The following PHF2 variants were observed in gnomAD, a reference collection of about 807,000 sequenced individuals.
PHF2 encodes the protein PHD finger protein 2.
PHF2 carries 27 observed loss-of-function variants against 120.5 expected under a neutral mutation model. That is an observed-to-expected ratio of 0.22 (90% CI 0.17 to 0.31). The LOEUF (loss-of-function observed/expected upper bound fraction) is 0.31. Ranked by LOEUF, PHF2 falls within the 10% of genes least tolerant of loss-of-function variation. The pLI is 1.00. For missense variants in PHF2, 1,024 were observed against 1,434.8 expected, an observed-to-expected ratio of 0.71 and a Z score of 4.63; for synonymous variants, 568 against 592.5, an observed-to-expected ratio of 0.96 and a Z score of 0.60.
In PHF2 at chr9:93,656,613, G is replaced by A. The variant is rs1826464605; in HGVS notation, c.1147+18G>A. On this transcript the variant is annotated intron_variant, in intron 9 of 21. Coordinates refer to ENST00000359246, the MANE Select transcript of PHF2 (RefSeq NM_005392.4). The surrounding 1 kb of genome is among the most constrained non-coding windows in gnomAD (Gnocchi z 4.1). ...ATTCAAAGGTACTGGTCACTCCGGG[G>A]TGGGCGTCCAAGCCTGGGGCTCTTG... 1 of 1,574,800 alleles carries A rather than the reference G, an allele frequency of 6.4e-7. No individual in the cohort carries two copies. The highest frequency in any genetic ancestry group is 1.1e-5 in the South Asian group (1 of 90,324).
At chr9:93,654,171 G>C (rs1826417447) in intron 6 of PHF2, among the ~76,000 whole-genome samples, 1 of 152,228 alleles carries the variant, frequency 6.6e-6, no homozygotes, top group South Asian at 2.1e-4. Context: ...CACACCATTT[G>C]TAGTGCCTCG....
chr9:93,609,778 C>T (rs115090661), intron 1 of PHF2, among the ~76,000 whole-genome samples: 3,527 of 152,186 alleles, frequency 0.023, 69 homozygotes, highest in Middle Eastern at 0.037. Flanking sequence ...TCTTAGCTCA[C>T]TGCAACCTCC....
At chr9:93,629,022 G>A (rs977647908) in intron 1 of PHF2, among the ~76,000 whole-genome samples, 14 of 151,938 alleles carry the variant, frequency 9.2e-5, no homozygotes, top group Admixed American at 7.2e-4. Context: ...TCAGCCTCCC[G>A]AATAGCTGGG....
At chr9:93,636,561 G>C (rs773205967) in intron 3 of PHF2, 36 bp downstream of exon 3, 2 of 1,341,430 alleles carry the variant, frequency 1.5e-6, no homozygotes, top group South Asian at 2.5e-5. Flanking sequence ...ACCACCTGCA[G>C]CCAGGGGATG....
Position 93,676,905 on chromosome 9 carries a change from C to G in PHF2, c.3144C>G (p.Val1048=). The stretch of plus-strand genomic sequence containing the variant: ...CCTCCCAGCCCATGGCCCCTGGGGT[C>G]TTTCTCACACAGAGGCGGCCCTCCG... ...GRTSQPMAPG[V]FLTQRRPSAS... is the part of the protein sequence containing the mutation. Residue 1048 remains valine (V), a synonymous_variant, in exon 21 of 22, where the codon GTC becomes GTG. Transcript: ENST00000359246. The G allele has an allele frequency of 6.3e-7, 1 of 1,580,188 alleles. No individual in the cohort carries two copies. The highest frequency in any genetic ancestry group is 8.6e-7 in the Non-Finnish European group (1 of 1,161,948).
chr9:93,580,239 C>T (rs1001194022), intron 1 of PHF2, among the ~76,000 whole-genome samples: 1 of 152,212 alleles, frequency 6.6e-6, no homozygotes, highest in Non-Finnish European at 1.5e-5. Context: ...AGTGCTGTCC[C>T]AGAATGTGGG....
At chr9:93,654,989 G>C (rs900725679) in intron 7 of PHF2, among the ~76,000 whole-genome samples, 26 of 152,300 alleles carry the variant, frequency 1.7e-4, no homozygotes, top group African/African-American at 6.3e-4. Context: ...CGAGGGAGGA[G>C]GGCGCTAGCT....
In PHF2 at chr9:93,660,446, G is replaced by A. The variant is rs759403042; in HGVS notation, c.1584G>A (p.Lys528=). The change falls in exon 12 of 22, where the codon AAG becomes AAA. Residue 528 remains lysine (K), a synonymous_variant. Coordinates refer to ENST00000359246, the MANE Select transcript of PHF2 (RefSeq NM_005392.4). ...PKTLKLKDGG[K]KKGKKSRESA... ...CGCTGAAGCTCAAAGATGGAGGCAA[G>A]AAGAAAGGGAAGAAGTCCCGGGAGT... is the stretch of plus-strand genomic sequence containing the variant. The A allele has an allele frequency of 1.3e-6, 2 of 1,524,112 alleles. No homozygotes were observed. The highest frequency in any genetic ancestry group is 4.2e-5 in the Admixed American group (2 of 48,038). 94.4% of individuals were successfully genotyped at this position (1,524,112 alleles called of 1,614,324 possible).
Position 93,635,167 on chromosome 9 carries a change from G to T in PHF2, c.185-1244G>T, listed in dbSNP as rs1376642129. ...TCCATAATGTCCACTTGAATTGTGG[G>T]CAGGGAGATTGAACACAATGCGAAG... On this transcript the variant is annotated intron_variant, in intron 2 of 21. Coordinates refer to ENST00000359246, the MANE Select transcript of PHF2 (RefSeq NM_005392.4). Among the ~76,000 whole-genome samples the T allele has an allele frequency of 3.3e-5, 5 of 152,120 alleles. No individual in the cohort carries two copies. The East Asian group carries it at 9.6e-4, about 29-fold the overall frequency.
intron 3 of PHF2, among the ~76,000 whole-genome samples, chr9:93,640,972 A>G (rs1248648975): frequency 6.6e-6 from 1 of 152,170 alleles, no homozygotes; most frequent in African/African-American, 2.4e-5. Context: ...ATTTCATGTT[A>G]AACAGAGTCT....
At chr9:93,599,394 T>C (rs1825394616) in intron 1 of PHF2, among the ~76,000 whole-genome samples, 1 of 152,236 alleles carries the variant, frequency 6.6e-6, no homozygotes, top group Admixed American at 6.5e-5. Flanking sequence ...GGCCAGCTCC[T>C]GTTGCTCCAG....
At chr9:93,583,460 T>C (rs1331546735) in intron 1 of PHF2, among the ~76,000 whole-genome samples, 1 of 152,244 alleles carries the variant, frequency 6.6e-6, no homozygotes, top group Non-Finnish European at 1.5e-5. Flanking sequence ...ATGGTAACTC[T>C]ATGTTTAACT....
At chr9:93,609,418 C>T (rs1825597775) in intron 1 of PHF2, among the ~76,000 whole-genome samples, 1 of 152,200 alleles carries the variant, frequency 6.6e-6, no homozygotes, top group Non-Finnish European at 1.5e-5. Context: ...TTTTCCTTCT[C>T]TCTGAAGTTC....
In PHF2 at chr9:93,660,383, G is replaced by GCC; in HGVS notation, c.1525_1526dup (p.Lys510ArgfsTer13). 4 of 1,511,668 alleles carry GCC rather than the reference G, an allele frequency of 2.6e-6. No homozygotes were observed. Among genetic ancestry groups the GCC allele is most frequent in the South Asian group, 1.2e-5 (1 of 82,268 alleles). The allele number at this position is 1,511,668 out of a possible 1,614,324, so 93.6% of individuals were successfully genotyped here. A position where few individuals can be genotyped will look rare whatever the true frequency, so the allele number is the denominator to read the frequency against. ...TGCCCAAGCCATCCAAAATCCCCAA[G>GCC]CCCCCGAAGCCCCCTAAGCCCCCAA... On this transcript the variant is annotated frameshift_variant, in exon 12 of 22. Coordinates refer to ENST00000359246, the MANE Select transcript of PHF2 (RefSeq NM_005392.4). LOFTEE classifies it high-confidence loss of function.
chr9:93,612,817 C>A (rs1825659193), intron 1 of PHF2, among the ~76,000 whole-genome samples: 1 of 152,164 alleles, frequency 6.6e-6, no homozygotes, highest in Non-Finnish European at 1.5e-5. Context: ...GGAGGGGTGT[C>A]CCCCACCCAC....
Position 93,645,616 on chromosome 9 carries a change from T to A in PHF2, c.300-13T>A. On this transcript the variant is annotated splice_polypyrimidine_tract_variant and intron_variant, in intron 3 of 21. Transcript: ENST00000359246. Reference sequence around the variant, plus strand: ...CGGGCCCAATGTGGCCTCTGACCTGTGCTTCCCTGCAGTGCTGAAGACGTG... The same window carrying A: ...CGGGCCCAATGTGGCCTCTGACCTGAGCTTCCCTGCAGTGCTGAAGACGTG... The A allele has an allele frequency of 6.4e-7, 1 of 1,570,954 alleles. No homozygotes were observed. Among genetic ancestry groups the A allele is most frequent in the Non-Finnish European group, 8.7e-7 (1 of 1,154,338 alleles).
At chr9:93,650,440 TCA>T (rs1564394830) in intron 5 of PHF2, among the ~76,000 whole-genome samples, 2 of 152,128 alleles carry the variant, frequency 1.3e-5, no homozygotes, top group South Asian at 2.1e-4. Context: ...ACGCCTACAC[TCA>T]CACACATGAG....
intron 3 of PHF2, among the ~76,000 whole-genome samples, chr9:93,643,863 C>A (rs147104468): frequency 1.7e-3 from 257 of 152,278 alleles, no homozygotes; most frequent in Admixed American, 2.9e-3. Context: ...CCACCACTCA[C>A]AACAGTCTCC....
At chr9:93,645,891 T>G in intron 4 of PHF2, 102 bp downstream of exon 4, 1 of 1,344,202 alleles carries the variant, frequency 7.4e-7, no homozygotes, top group Non-Finnish European at 9.9e-7. Flanking sequence ...TGTGTCCATG[T>G]GTGCCGTGAG....
Sources: gnomAD v4.1 joint callset for allele counts (sites outside exome capture counted in the v4.1 genomes callset) on GRCh38, gnomAD v4.1.1 for gene constraint, Gnocchi (gnomAD v3.1) non-coding constraint, MANE v1.5 for transcripts, NCBI Gene and HGNC (gene_info 2026-07-23, HGNC 2026-07-21) for gene names.